MAP4K3: variants seen among roughly 807,000 people sequenced by gnomAD.
The protein encoded by MAP4K3 is mitogen-activated protein kinase kinase kinase kinase 3.
Under a neutral mutation model 143.5 loss-of-function variants are expected in MAP4K3, and 94 were observed. The observed-to-expected ratio is 0.65, with a 90% CI of 0.55 to 0.78. The LOEUF (loss-of-function observed/expected upper bound fraction) is 0.78, where lower values mean the gene tolerates loss of function less well. Ranked by LOEUF, MAP4K3 falls within the 30% of genes least tolerant of loss-of-function variation. MAP4K3 has a pLI of 0.00. For synonymous variants in MAP4K3, 416 were observed against 347.2 expected (o/e 1.20, Z -2.20); for missense variants, 1,077 against 1,068.1 (o/e 1.01, Z -0.12).
intron 32 of MAP4K3, among the ~76,000 whole-genome samples, chr2:39,253,729 G>A (rs1680238375): frequency 6.6e-6 from 1 of 152,178 alleles, no homozygotes; most frequent in African/African-American, 2.4e-5. Flanking sequence ...TTCCTTCCAA[G>A]TTACATGACT....
chr2:39,352,249 C>T (rs1665481993), intron 3 of MAP4K3, among the ~76,000 whole-genome samples: 1 of 152,042 alleles, frequency 6.6e-6, no homozygotes, highest in Non-Finnish European at 1.5e-5. Context: ...CAAGGTCCTG[C>T]CACTGCACAG....
rs995495312 is a variant in MAP4K3, at chr2:39,371,530, C to A, written c.154+6536G>T. 8.5e-5 allele frequency among the ~76,000 whole-genome samples: 13 copies of A among 152,068 alleles called. 1 individual carries two copies. Among genetic ancestry groups the A allele is most frequent in the Non-Finnish European group, 1.6e-4 (11 of 68,000 alleles). On this transcript the variant is annotated intron_variant, in intron 2 of 33. Coordinates refer to ENST00000263881, the MANE Select transcript of MAP4K3 (RefSeq NM_003618.4). ...CTGATATACACAATGCTCCAAAATC[C>A]ACAACTTTTTGAGCACTGATGTGAT... is the stretch of plus-strand genomic sequence containing the variant.
intron 1 of MAP4K3, among the ~76,000 whole-genome samples, chr2:39,416,211 A>G (rs1667375265): frequency 6.6e-6 from 1 of 151,576 alleles, no homozygotes; most frequent in Admixed American, 6.6e-5. Context: ...TTTGAAAACA[A>G]AACTTCAGAA....
At chr2:39,372,415 T>C (rs1666106893) in intron 2 of MAP4K3, among the ~76,000 whole-genome samples, 1 of 151,750 alleles carries the variant, frequency 6.6e-6, no homozygotes, top group Admixed American at 6.6e-5. Context: ...AATGACATTC[T>C]TCACAAAAAT....
chr2:39,300,721 C>A (rs12997072), intron 15 of MAP4K3, among the ~76,000 whole-genome samples: 1 of 152,046 alleles, frequency 6.6e-6, no homozygotes, highest in Non-Finnish European at 1.5e-5. Context: ...ACACAAAAGC[C>A]ACCTTGGAGC....
Position 39,420,641 on chromosome 2 carries a change from G to A in MAP4K3, c.96+16251C>T, listed in dbSNP as rs1572510277. Reference sequence around the variant, plus strand: ...TTGTCCAGGCTGGTCTCGAACTCCTGGCCTCAAGCAATCCTCCCACCTCAG... The same window carrying A: ...TTGTCCAGGCTGGTCTCGAACTCCTAGCCTCAAGCAATCCTCCCACCTCAG... On this transcript the variant is annotated intron_variant, in intron 1 of 33. Coordinates refer to ENST00000263881, the MANE Select transcript of MAP4K3 (RefSeq NM_003618.4). Among the ~76,000 whole-genome samples, 4 of 151,510 alleles carry A rather than the reference G, an allele frequency of 2.6e-5. No homozygotes were observed. The South Asian group carries it at 8.4e-4, about 32-fold the overall frequency.
intron 6 of MAP4K3, among the ~76,000 whole-genome samples, chr2:39,335,012 G>A (rs1163871121): frequency 6.6e-6 from 1 of 152,102 alleles, no homozygotes; most frequent in Non-Finnish European, 1.5e-5. Context: ...TTTCAGGAAA[G>A]GAGGAGGAAA....
intron 1 of MAP4K3, among the ~76,000 whole-genome samples, chr2:39,386,820 C>CTTTTTTTTTTT (rs56011585): frequency 5.0e-5 from 7 of 139,152 alleles, no homozygotes; most frequent in African/African-American, 1.9e-4. Flanking sequence ...TTTTGTTGTT[C>CTTTTTTTTTTT]TTTTTTTTTT....
chr2:39,288,173 A>G lies in MAP4K3; in HGVS notation c.1422T>C (p.Val474=). 6.2e-7 allele frequency: 1 copy of G among 1,614,056 alleles called. No individual in the cohort carries two copies. Among genetic ancestry groups the G allele is most frequent in the Non-Finnish European group, 8.5e-7 (1 of 1,179,988 alleles). Residue 474 remains valine (V), a synonymous_variant, in exon 20 of 34, where the codon GTT becomes GTC. Coordinates refer to ENST00000263881, the MANE Select transcript of MAP4K3 (RefSeq NM_003618.4). ...ATCTGGGAGGTGGTGGTCTAGGTGG[A>G]ACTTGGGATGGCTTTGCTGGGCTCC... The part of the protein sequence containing the change: ...MSGSPAKPSQ[V]PPRPPPPRLP...
At chr2:39,405,455 C>T (rs1183746220) in intron 1 of MAP4K3, among the ~76,000 whole-genome samples, 1 of 152,136 alleles carries the variant, frequency 6.6e-6, no homozygotes, top group African/African-American at 2.4e-5. Flanking sequence ...AAGACAAATA[C>T]AAACAAGCCC....
chr2:39,365,281 TATA>T (rs1026101897), intron 2 of MAP4K3, among the ~76,000 whole-genome samples: 2 of 152,048 alleles, frequency 1.3e-5, no homozygotes, highest in Non-Finnish European at 2.9e-5. Flanking sequence ...GGGAGGAGGG[TATA>T]ATGAGGATGT....
Position 39,333,999 on chromosome 2 carries a change from G to GT in MAP4K3, c.415-426dup, listed in dbSNP as rs1553413774. On this transcript the variant is annotated intron_variant, in intron 6 of 33. Transcript: ENST00000263881. ...TGTGTGTGTGTGTGTGTGTGTGTGTGTTTTTAAAAGAACCTCCCTTTCTAG... is the reference window on the plus strand; with the variant it reads ...TGTGTGTGTGTGTGTGTGTGTGTGTGTTTTTTAAAAGAACCTCCCTTTCTAG... 2.9e-3 allele frequency among the ~76,000 whole-genome samples: 420 copies of GT among 144,188 alleles called. 3 individuals carry two copies. Among genetic ancestry groups the GT allele is most frequent in the Non-Finnish European group, 4.9e-3 (325 of 66,326 alleles). The allele number at this position is 144,188 out of a possible 152,430, so 94.6% of individuals were successfully genotyped here. A position where few individuals can be genotyped will look rare whatever the true frequency, so the allele number is the denominator to read the frequency against.
chr2:39,417,290 G>A lies in MAP4K3; in HGVS notation c.96+19602C>T, dbSNP rs534244153. On this transcript the variant is annotated intron_variant, in intron 1 of 33. Transcript: ENST00000263881. ...GCTGGAGGGCAGTGGCACAATCTCG[G>A]CTCACTGCAAGCTCCTCCTCCCGGA... Among the ~76,000 whole-genome samples, 12 of 151,724 alleles carry A rather than the reference G, an allele frequency of 7.9e-5. No individual in the cohort carries two copies. In the South Asian group the frequency reaches 2.5e-3, roughly 32 times the overall value.
intron 3 of MAP4K3, among the ~76,000 whole-genome samples, chr2:39,350,363 T>C (rs1225752865): frequency 6.6e-6 from 1 of 152,208 alleles, no homozygotes; most frequent in East Asian, 1.9e-4. Flanking sequence ...ATGGCTGCGT[T>C]AAGATGTAAA....
At chr2:39,397,992 G>A (rs1422327388) in intron 1 of MAP4K3, among the ~76,000 whole-genome samples, 1 of 152,184 alleles carries the variant, frequency 6.6e-6, no homozygotes, top group East Asian at 1.9e-4. Flanking sequence ...TTGTCAAGCT[G>A]TAGGGAAAGG....
intron 3 of MAP4K3, among the ~76,000 whole-genome samples, chr2:39,346,189 T>A (rs181275368): frequency 6.6e-6 from 1 of 152,194 alleles, no homozygotes; most frequent in East Asian, 1.9e-4. Flanking sequence ...CCCCAGAGAA[T>A]GTAACCACTA....
chr2:39,287,484 G>C (rs909455721), intron 20 of MAP4K3, among the ~76,000 whole-genome samples: 2 of 151,438 alleles, frequency 1.3e-5, no homozygotes, highest in Non-Finnish European at 2.9e-5. Context: ...TTTTTTTTTA[G>C]TAGAGATGGA....
chr2:39,281,878 G>A (rs151162111), intron 22 of MAP4K3, among the ~76,000 whole-genome samples: 3 of 151,524 alleles, frequency 2.0e-5, no homozygotes, highest in Non-Finnish European at 4.4e-5. Flanking sequence ...TATACTCTGT[G>A]CTAATTAAAA....
At chr2:39,336,828 A>G (rs536772769) in intron 6 of MAP4K3, 92 bp downstream of exon 6, 14 of 520,844 alleles carry the variant, frequency 2.7e-5, no homozygotes, top group Admixed American at 4.0e-5. Flanking sequence ...TTTCAGATGC[A>G]TTTATCAAAT....
Sources: gnomAD v4.1 joint callset for allele counts (sites outside exome capture counted in the v4.1 genomes callset) on GRCh38, gnomAD v4.1.1 for gene constraint, MANE v1.5 for transcripts, NCBI Gene and HGNC (gene_info 2026-07-23, HGNC 2026-07-21) for gene names.